Variants in BBS5 observed in about 807,000 individuals in gnomAD.
BBS5 encodes the protein BBSome complex member BBS5.
A neutral mutation model predicts 50.2 loss-of-function variants in BBS5; 39 were observed. The observed-to-expected ratio is 0.78, with a 90% confidence interval of 0.60 to 1.01. BBS5 has a LOEUF of 1.01. BBS5 is among the 50% of genes least tolerant of loss of function. BBS5 has a pLI of 0.00. For missense variants in BBS5, 356 were observed against 401.5 expected (o/e 0.89, Z 0.97); for synonymous variants, 134 against 133.1 (o/e 1.01, Z -0.05).
intron 8 of BBS5, among the ~76,000 whole-genome samples, chr2:169,498,747 C>T (rs963015463): frequency 1.4e-5 from 2 of 147,760 alleles, no homozygotes; most frequent in African/African-American, 5.0e-5. Context: ...GCGGAGCTTG[C>T]AGTGAGCCGA....
intron 7 of BBS5, among the ~76,000 whole-genome samples, chr2:169,497,341 T>TA (rs952744211): frequency 3.3e-5 from 5 of 152,174 alleles, no homozygotes; most frequent in African/African-American, 7.2e-5. Context: ...CTCTAATTTT[T>TA]AAAAATGTTT....
intron 7 of BBS5, among the ~76,000 whole-genome samples, chr2:169,496,335 C>T (rs1683690975): frequency 6.6e-6 from 1 of 152,230 alleles, no homozygotes; most frequent in Non-Finnish European, 1.5e-5. Context: ...ATGTTAATTA[C>T]ACTTAATCTA....
chr2:169,487,852 C>A lies in BBS5; in HGVS notation c.255C>A (p.Asn85Lys), dbSNP rs1230457752. ...TGAATATTACAACAAGGACTGCTAA[C>A]TCTGTAAGTCTAAAAAATCTTATTG... is the stretch of plus-strand genomic sequence containing the variant. ...CILNITTRTA[N>K]SKLRGQTEAL... Residue 85 changes from asparagine to lysine, a missense_variant, in exon 4 of 12, where the codon AAC becomes AAA. By Grantham distance (94) the Asn-to-Lys change is moderately conservative. Coordinates refer to ENST00000295240, the MANE Select transcript of BBS5 (RefSeq NM_152384.3). The A allele has an allele frequency of 1.2e-6, 2 of 1,603,484 alleles. No homozygotes were observed. The highest frequency in any genetic ancestry group is 2.2e-5 in the South Asian group (2 of 90,486).
chr2:169,483,512 A>G (rs1226764621), intron 2 of BBS5, among the ~76,000 whole-genome samples: 1 of 152,194 alleles, frequency 6.6e-6, no homozygotes, highest in African/African-American at 2.4e-5. Context: ...TCCCTAATAG[A>G]TGGCAAGTAG....
At chr2:169,492,723 AT>A in intron 5 of BBS5, 150 bp from the exon 6 acceptor site, 1 of 778,522 alleles carries the variant, frequency 1.3e-6, no homozygotes, top group Non-Finnish European at 1.9e-6. Context: ...TATAAGAACA[AT>A]TTTTAAAAAG....
chr2:169,489,160 T>G (rs1683540303), intron 5 of BBS5, among the ~76,000 whole-genome samples: 2 of 152,024 alleles, frequency 1.3e-5, no homozygotes, highest in South Asian at 4.2e-4. Context: ...TCCTGCTAAT[T>G]TTTAAAATGT....
intron 7 of BBS5, among the ~76,000 whole-genome samples, chr2:169,496,644 C>T (rs914669095): frequency 1.3e-4 from 20 of 150,270 alleles, no homozygotes; most frequent in Non-Finnish European, 2.2e-4. Context: ...CCGAGGCGGG[C>T]GGATCACAAG....
intron 2 of BBS5, among the ~76,000 whole-genome samples, chr2:169,486,446 A>T (rs1683490092): frequency 6.6e-6 from 1 of 152,190 alleles, no homozygotes; most frequent in African/African-American, 2.4e-5. Flanking sequence ...TGTACAGGAC[A>T]CATTTTGAGA....
chr2:169,495,373 A>G (rs1215739322), intron 7 of BBS5, among the ~76,000 whole-genome samples: 1 of 152,194 alleles, frequency 6.6e-6, no homozygotes, highest in Non-Finnish European at 1.5e-5. Flanking sequence ...AGTAGTAAAC[A>G]ACCTTGTGCT....
At chr2:169,503,523 A>G (rs1177099616) in intron 10 of BBS5, among the ~76,000 whole-genome samples, 1 of 152,208 alleles carries the variant, frequency 6.6e-6, no homozygotes, top group African/African-American at 2.4e-5. Flanking sequence ...AAGGAAAGAA[A>G]TGCTTTGAAA....
chr2:169,504,608 T>G lies in BBS5; in HGVS notation c.*26T>G. Reference sequence around the variant, plus strand: ...TTGACCTTGAGTTGAGATGGATTTCTATTAAAGATATCTCTAGTTTAAAGA... The same window carrying G: ...TTGACCTTGAGTTGAGATGGATTTCGATTAAAGATATCTCTAGTTTAAAGA... On this transcript the variant is annotated 3_prime_UTR_variant, in exon 12 of 12. Transcript: ENST00000295240. 3 of 1,491,490 alleles carry G rather than the reference T, an allele frequency of 2.0e-6. No homozygotes were observed. Among genetic ancestry groups the G allele is most frequent in the Non-Finnish European group, 2.8e-6 (3 of 1,068,062 alleles). 92.4% of individuals were successfully genotyped at this position (1,491,490 alleles called of 1,614,324 possible).
chr2:169,490,717 A>G (rs1456845648), intron 5 of BBS5, among the ~76,000 whole-genome samples: 3 of 152,248 alleles, frequency 2.0e-5, no homozygotes, highest in Non-Finnish European at 4.4e-5. Flanking sequence ...TAGTTTTAGT[A>G]TATTCACAAT....
chr2:169,487,046 A>G (rs1559121898), intron 2 of BBS5, 23 bp from the exon 3 acceptor site: 3 of 1,575,702 alleles, frequency 1.9e-6, no homozygotes, highest in South Asian at 2.2e-5. Context: ...AAGTTAACCT[A>G]TTTTTTGTCT....
At chr2:169,496,365 C>T (rs918848823) in intron 7 of BBS5, among the ~76,000 whole-genome samples, 15 of 152,162 alleles carry the variant, frequency 9.9e-5, no homozygotes, top group African/African-American at 3.6e-4. Flanking sequence ...TCCTTGATGT[C>T]TAGTGATAAA....
At chr2:169,487,046 AT>A (rs747240857) in intron 2 of BBS5, 22 bp from the exon 3 acceptor site, 2 of 1,575,674 alleles carry the variant, frequency 1.3e-6, no homozygotes, top group Non-Finnish European at 1.7e-6. Context: ...AAGTTAACCT[AT>A]TTTTTGTCTG....
rs1262761368 is a variant in BBS5, at chr2:169,488,024, C to T, written c.296C>T (p.Thr99Ile). 6.2e-7 allele frequency: 1 copy of T among 1,613,690 alleles called. No homozygotes were observed. The highest frequency in any genetic ancestry group is 8.5e-7 in the Non-Finnish European group (1 of 1,179,696). The change falls in exon 5 of 12, where the codon ACA (threonine) becomes ATA (isoleucine). Residue 99 changes from threonine to isoleucine, a missense_variant. Coordinates refer to ENST00000295240, the MANE Select transcript of BBS5 (RefSeq NM_152384.3). ...RGQTEALYILTKCNSTRFEFI... is the reference protein window; with the variant it reads ...RGQTEALYILIKCNSTRFEFI... ...CAAACTGAAGCTCTCTATATACTAA[C>T]AAAATGTAACAGTACTCGTTTTGAA...
At chr2:169,501,301 C>T (rs551277603) in intron 9 of BBS5, among the ~76,000 whole-genome samples, 2 of 152,260 alleles carry the variant, frequency 1.3e-5, no homozygotes, top group Admixed American at 6.5e-5. Context: ...CAGTCTCTTC[C>T]CTGTTTCTAG....
At chr2:169,502,713 G>A (rs1683832426) in intron 9 of BBS5, among the ~76,000 whole-genome samples, 1 of 152,106 alleles carries the variant, frequency 6.6e-6, no homozygotes, top group South Asian at 2.1e-4. Context: ...AAAAATATTA[G>A]TTCTTTTACT....
rs188919056 is a variant in BBS5, at chr2:169,487,691, T to C, written c.209-115T>C. On this transcript the variant is annotated intron_variant, in intron 3 of 11. Coordinates refer to ENST00000295240, the MANE Select transcript of BBS5 (RefSeq NM_152384.3). ...TAAAACTTTTAAAAGTTTATTTCTATATATGTTTAATTTTTTAAACTGTTA... is the reference window on the plus strand; with the variant it reads ...TAAAACTTTTAAAAGTTTATTTCTACATATGTTTAATTTTTTAAACTGTTA... 1.4e-3 allele frequency: 931 copies of C among 679,848 alleles called. 1 individual carries two copies. The highest frequency in any genetic ancestry group is 2.4e-3 in the Admixed American group (82 of 34,310). The allele number at this position is 679,848 out of a possible 1,614,324, so 42.1% of individuals were successfully genotyped here. A position where few individuals can be genotyped will look rare whatever the true frequency, so the allele number is the denominator to read the frequency against.
Sources: allele counts gnomAD v4.1 joint callset (sites outside exome capture counted in the v4.1 genomes callset), GRCh38; gene constraint gnomAD v4.1.1; transcripts MANE v1.5; gene names NCBI Gene and HGNC (gene_info 2026-07-23, HGNC 2026-07-21).